POLQ: variants seen among roughly 807,000 people sequenced by gnomAD.
POLQ encodes epididymis secretory sperm binding protein.
POLQ carries 233 observed loss-of-function variants against 259.2 expected under a neutral mutation model. The ratio of observed to expected loss-of-function variants is 0.90; its 90% CI spans 0.81 to 1.00. POLQ has a LOEUF of 1.00. POLQ is among the 50% of genes least tolerant of loss of function. The probability of loss-of-function intolerance (pLI) is 0.00; values close to 1 mark genes in which losing one functional copy is unlikely to be tolerated. For synonymous variants in POLQ, 1,025 were observed against 1,048.8 expected (o/e 0.98, Z 0.44); for missense variants, 2,871 against 3,051.6 (o/e 0.94, Z 1.39).
intron 9 of POLQ, among the ~76,000 whole-genome samples, chr3:121,515,221 G>A (rs1441233411): frequency 6.6e-6 from 1 of 152,032 alleles, no homozygotes; most frequent in East Asian, 1.9e-4. Context: ...GGAGTGCAGT[G>A]GCATGATCAT....
At chr3:121,501,753 C>T (rs377242319) in intron 12 of POLQ, among the ~76,000 whole-genome samples, 1 of 142,616 alleles carries the variant, frequency 7.0e-6, no homozygotes, top group Non-Finnish European at 1.5e-5. Flanking sequence ...GCTGGGTGGG[C>T]GGGGTTTGGA....
chr3:121,533,394 G>A (rs939088165), intron 5 of POLQ, among the ~76,000 whole-genome samples, 185 bp from the exon 6 acceptor site: 15 of 152,172 alleles, frequency 9.9e-5, no homozygotes, highest in Non-Finnish European at 4.4e-5. Flanking sequence ...AATTTTAGTA[G>A]ATAATCCCAC....
At chr3:121,484,709 T>C (rs2047997445) in intron 17 of POLQ, among the ~76,000 whole-genome samples, 1 of 152,140 alleles carries the variant, frequency 6.6e-6, no homozygotes. Flanking sequence ...AAGACCAGCC[T>C]GACCAACATG....
At chr3:121,449,582 T>G (rs559262295) in intron 25 of POLQ, among the ~76,000 whole-genome samples, 156 bp from the exon 26 acceptor site, 4 of 152,322 alleles carry the variant, frequency 2.6e-5, no homozygotes, top group Non-Finnish European at 5.9e-5. Context: ...GAGACTGATA[T>G]CCAGCAAACA....
At chr3:121,496,300 C>A (rs963712584) in intron 14 of POLQ, among the ~76,000 whole-genome samples, 14 of 151,862 alleles carry the variant, frequency 9.2e-5, no homozygotes, top group Admixed American at 2.0e-4. Flanking sequence ...CTCAGCCTCC[C>A]CAGTAGCTGG....
At chr3:121,501,154 C>CA (rs141174148) in intron 12 of POLQ, among the ~76,000 whole-genome samples, 2,611 of 151,936 alleles carry the variant, frequency 0.017, 66 homozygotes, top group African/African-American at 0.058. Flanking sequence ...CTGGTAAAGA[C>CA]AGAGTTTCAC....
chr3:121,476,133 A>C (rs1377669968), intron 20 of POLQ, among the ~76,000 whole-genome samples: 1 of 152,184 alleles, frequency 6.6e-6, no homozygotes, highest in East Asian at 1.9e-4. Flanking sequence ...AAAAATATCC[A>C]GTTTCCTATT....
intron 15 of POLQ, 60 bp from the exon 16 acceptor site, chr3:121,490,468 A>G (rs2048059369): frequency 2.2e-6 from 3 of 1,358,152 alleles, no homozygotes; most frequent in Non-Finnish European, 3.1e-6. Context: ...GCAAGTATTT[A>G]TTAAACATGC....
rs149007312 is a variant in POLQ at position 121,490,182 on chromosome 3, C to T, written c.2749G>A (p.Glu917Lys). The change falls in exon 16 of 30, where the codon GAA (glutamate) becomes AAA (lysine). Residue 917 changes from glutamate to lysine, a missense_variant. By Grantham distance (56) the Glu-to-Lys change is moderately conservative. Coordinates refer to ENST00000264233, the MANE Select transcript of POLQ (RefSeq NM_199420.4). ...STCSLTHSES[E>K]VKEHTFISQT... ...GATATAAATGTGTGTTCCTTTACTT[C>T]GGACTCACTATGAGTCAATGAGCAT... 2.6e-5 allele frequency: 42 copies of T among 1,612,062 alleles called. No individual in the cohort carries two copies. The African/African-American group carries it at 2.8e-4, about 11-fold the overall frequency.
At chr3:121,460,471 A>AT (rs1254867750) in intron 24 of POLQ, among the ~76,000 whole-genome samples, 3 of 152,204 alleles carry the variant, frequency 2.0e-5, no homozygotes, top group Non-Finnish European at 4.4e-5. Flanking sequence ...CCACCCTGAC[A>AT]TCTGCCCACC....
At chr3:121,481,912 CA>C in intron 18 of POLQ, 100 bp from the exon 19 acceptor site, 1 of 1,026,256 alleles carries the variant, frequency 9.7e-7, no homozygotes, top group East Asian at 2.4e-5. Flanking sequence ...TTTCTAACCT[CA>C]CTCATTTTCA....
At chr3:121,523,348 C>T (rs1458845183) in intron 7 of POLQ, among the ~76,000 whole-genome samples, 1 of 152,094 alleles carries the variant, frequency 6.6e-6, no homozygotes, top group Non-Finnish European at 1.5e-5. Flanking sequence ...AAAAGCTTTA[C>T]ATACTTATAT....
At position 121,452,273 on chromosome 3, in the gene POLQ, C is replaced by T. The variant is rs549972290; in HGVS notation, c.7153-2847G>A. ...GCCTCGCCCTGCTTCGGCTCACGCTCGGTGGGCTGCACCCACTGTCCAACA... is the reference window on the plus strand; with the variant it reads ...GCCTCGCCCTGCTTCGGCTCACGCTTGGTGGGCTGCACCCACTGTCCAACA... On this transcript the variant is annotated intron_variant, in intron 25 of 29. Transcript: ENST00000264233. Among the ~76,000 whole-genome samples, 41 of 152,200 alleles carry T rather than the reference C, an allele frequency of 2.7e-4. No individual in the cohort carries two copies. In the South Asian group the frequency reaches 2.7e-3, roughly 10 times the overall value.
chr3:121,475,695 T>G (rs2108791767), intron 20 of POLQ, among the ~76,000 whole-genome samples: 1 of 152,330 alleles, frequency 6.6e-6, no homozygotes, highest in South Asian at 2.1e-4. Context: ...TCCAGGTAAC[T>G]GCCATTTTGA....
At chr3:121,524,950 A>G (rs1237606325) in intron 7 of POLQ, among the ~76,000 whole-genome samples, 1 of 151,904 alleles carries the variant, frequency 6.6e-6, no homozygotes, top group African/African-American at 2.4e-5. Flanking sequence ...ACACACACAC[A>G]CACACACACA....
At chr3:121,495,745 A>G (rs2048114504) in intron 14 of POLQ, among the ~76,000 whole-genome samples, 1 of 147,526 alleles carries the variant, frequency 6.8e-6, no homozygotes, top group South Asian at 2.2e-4. Context: ...GCTACTCGGG[A>G]GGCTGAGGCA....
Position 121,435,931 on chromosome 3 carries a change from T to C in POLQ, c.7543+191A>G, listed in dbSNP as rs554477168. ...TTCCCTGTTTTAATTTATAATATGGTAAATATATAGACATAACCCACAAAA... is the reference window on the plus strand; with the variant it reads ...TTCCCTGTTTTAATTTATAATATGGCAAATATATAGACATAACCCACAAAA... On this transcript the variant is annotated intron_variant, in intron 28 of 29. Transcript: ENST00000264233. 2.6e-5 allele frequency among the ~76,000 whole-genome samples: 4 copies of C among 152,332 alleles called. No homozygotes were observed. In the South Asian group the frequency reaches 8.3e-4, roughly 32 times the overall value.
chr3:121,544,616 G>A, intron 2 of POLQ, 111 bp downstream of exon 2: 2 of 644,500 alleles, frequency 3.1e-6, no homozygotes, highest in Non-Finnish European at 5.4e-6. Context: ...ATTTTCTCTA[G>A]TTATAAAGCA....
chr3:121,487,774 G>T lies in POLQ; in HGVS notation c.5157C>A (p.Ser1719=), dbSNP rs759575412. ...ENNANHDETS[S]LLPRKESNIV... is the part of the protein sequence containing the mutation. ...TATTACTTTCTTTACGAGGTAAGAG[G>T]GATGAGGTTTCATCATGATTGGCAT... The change falls in exon 16 of 30, where the codon TCC becomes TCA. Residue 1719 remains serine (S), a synonymous_variant. Coordinates refer to ENST00000264233, the MANE Select transcript of POLQ (RefSeq NM_199420.4). 4.3e-6 allele frequency: 7 copies of T among 1,611,140 alleles called. No homozygotes were observed. Among genetic ancestry groups the T allele is most frequent in the Middle Eastern group, 1.7e-4 (1 of 6,046 alleles).
Sources: allele counts gnomAD v4.1 joint callset (sites outside exome capture counted in the v4.1 genomes callset), GRCh38; gene constraint gnomAD v4.1.1; transcripts MANE v1.5; gene names NCBI Gene and HGNC (gene_info 2026-07-23, HGNC 2026-07-21).